Variants in TTC23 observed in about 807,000 individuals in gnomAD.
TTC23 encodes tetratricopeptide repeat protein 23.
A neutral mutation model predicts 55.1 loss-of-function variants in TTC23; 58 were observed. The observed-to-expected ratio is 1.05, with a 90% CI of 0.85 to 1.31. The LOEUF is 1.31. TTC23 is among the 50% of genes most tolerant of loss of function. The probability of loss-of-function intolerance (pLI) is 0.00; values close to 1 mark genes in which losing one functional copy is unlikely to be tolerated. For synonymous variants in TTC23, 203 were observed against 199.9 expected (o/e 1.02, Z -0.13); for missense variants, 516 against 534.4 (o/e 0.97, Z 0.34).
rs539855157 is a variant in TTC23 at position 99,221,970 on chromosome 15, T to C, written c.181-106A>G. ...TTTGATAAATACTGAGTGACTACTA[T>C]GTGCAAAACATTGTTCTAAGCACTT... On this transcript the variant is annotated intron_variant, in intron 5 of 13. Transcript: ENST00000394132. 2.6e-5 allele frequency: 34 copies of C among 1,306,204 alleles called. No homozygotes were observed. In the African/African-American group the frequency reaches 3.5e-4, roughly 14 times the overall value. The allele number at this position is 1,306,204 out of a possible 1,614,324, so 80.9% of individuals were successfully genotyped here.
At chr15:99,162,557 G>A (rs1310945670) in intron 10 of TTC23, among the ~76,000 whole-genome samples, 1 of 152,142 alleles carries the variant, frequency 6.6e-6, no homozygotes, top group East Asian at 1.9e-4. Flanking sequence ...CTAGTACTGG[G>A]GTTTTCTAAG....
intron 6 of TTC23, among the ~76,000 whole-genome samples, chr15:99,221,184 G>A (rs1305889804): frequency 6.6e-6 from 1 of 151,494 alleles, no homozygotes; most frequent in East Asian, 1.9e-4. Context: ...GGCAAAGAAT[G>A]GAGCAAATAC....
At chr15:99,221,932 G>A (rs1245451252) in intron 5 of TTC23, 68 bp from the exon 6 acceptor site, 59 of 1,564,282 alleles carry the variant, frequency 3.8e-5, no homozygotes, top group Admixed American at 1.9e-4. Flanking sequence ...AAATCAATGC[G>A]CTTTTATATC....
intron 8 of TTC23, among the ~76,000 whole-genome samples, chr15:99,208,862 G>A (rs1250138499): frequency 2.0e-5 from 3 of 152,124 alleles, no homozygotes; most frequent in Non-Finnish European, 4.4e-5. Flanking sequence ...TTTCTTATGT[G>A]TAATGTTTGA....
chr15:99,139,424 T>C, intron 12 of TTC23, 25 bp from the exon 13 acceptor site: 1 of 1,613,738 alleles, frequency 6.2e-7, no homozygotes, highest in South Asian at 1.1e-5. Flanking sequence ...GCAGCTATCA[T>C]GAGGCTATGG....
chr15:99,137,934 C>A lies in TTC23; in HGVS notation c.*76G>T. On this transcript the variant is annotated 3_prime_UTR_variant, in exon 14 of 14. Transcript: ENST00000394132. ...TATCCTGACTGTTGAATTCCATTTT[C>A]TAGGCGGAGGTGATTTGTACAGCAC... 1 of 1,578,838 alleles carries A rather than the reference C, an allele frequency of 6.3e-7. No individual in the cohort carries two copies. Among genetic ancestry groups the A allele is most frequent in the South Asian group, 1.1e-5 (1 of 88,320 alleles).
chr15:99,138,835 T>C (rs1398207623), intron 13 of TTC23, among the ~76,000 whole-genome samples: 2 of 152,218 alleles, frequency 1.3e-5, no homozygotes, highest in Admixed American at 6.5e-5. Context: ...CAGGCAGCCC[T>C]GGGGCTGCTC....
At chr15:99,145,098 G>A (rs2068677127) in intron 12 of TTC23, 1 of 152,222 alleles carries the variant, frequency 6.6e-6, no homozygotes, top group Non-Finnish European at 1.5e-5. Flanking sequence ...TCATCAGACA[G>A]GCTTCCCCTA....
At chr15:99,138,590 G>T (rs4965448) in intron 13 of TTC23, among the ~76,000 whole-genome samples, 13,435 of 152,278 alleles carry the variant, frequency 0.088, 782 homozygotes, top group East Asian at 0.29. Flanking sequence ...TGGGATTATA[G>T]GCATGAGTCA....
chr15:99,155,172 T>G (rs1266207632), intron 12 of TTC23, among the ~76,000 whole-genome samples: 1 of 152,060 alleles, frequency 6.6e-6, no homozygotes, highest in African/African-American at 2.4e-5. Context: ...TCAAAAGATA[T>G]AACAGTAGAT....
At chr15:99,152,336 T>C (rs2069894347) in intron 12 of TTC23, among the ~76,000 whole-genome samples, 1 of 151,814 alleles carries the variant, frequency 6.6e-6, no homozygotes, top group South Asian at 2.1e-4. Context: ...AAACCTCTTT[T>C]CTTTATAAAT....
At chr15:99,176,264 G>A (rs1416522278) in intron 9 of TTC23, among the ~76,000 whole-genome samples, 1 of 152,188 alleles carries the variant, frequency 6.6e-6, no homozygotes, top group Non-Finnish European at 1.5e-5. Flanking sequence ...ACTAATGTGA[G>A]TCAGTAGGTA....
chr15:99,155,958 A>T, intron 12 of TTC23, 190 bp downstream of exon 12: 2 of 635,796 alleles, frequency 3.1e-6, no homozygotes, highest in South Asian at 5.3e-5. Context: ...AAAAATATGT[A>T]TGTCTAAGAG....
At chr15:99,186,128 T>C (rs2074639088) in intron 9 of TTC23, among the ~76,000 whole-genome samples, 1 of 152,234 alleles carries the variant, frequency 6.6e-6, no homozygotes, top group Non-Finnish European at 1.5e-5. Context: ...TTGAAAAATG[T>C]TTAATAATTA....
intron 8 of TTC23, among the ~76,000 whole-genome samples, chr15:99,202,105 AG>A (rs2076248899): frequency 6.6e-6 from 1 of 152,242 alleles, no homozygotes; most frequent in Admixed American, 6.5e-5. Context: ...TGGTTGCCAC[AG>A]AAACCATATG....
rs777358830 is a variant in TTC23, at chr15:99,227,856, G to A, written c.180+677C>T. The stretch of plus-strand genomic sequence containing the variant: ...AGTGCAGTCTACGTAACTCCCATCC[G>A]AAGAAAGTGTGCCTTAACTGCTGTC... On this transcript the variant is annotated intron_variant, in intron 5 of 13. Transcript: ENST00000394132. Among the ~76,000 whole-genome samples, 21 of 152,278 alleles carry A rather than the reference G, an allele frequency of 1.4e-4. 1 individual carries two copies. Among genetic ancestry groups the A allele is most frequent in the Non-Finnish European group, 2.1e-4 (14 of 68,032 alleles).
chr15:99,245,913 TCCTGACTCAGCCTC>T (rs1314345813), intron 1 of TTC23, among the ~76,000 whole-genome samples: 3 of 151,202 alleles, frequency 2.0e-5, no homozygotes, highest in Non-Finnish European at 2.9e-5. Context: ...CAAGACATTC[TCCTGACTCAGCCTC>T]CCTGACTCAG....
intron 8 of TTC23, among the ~76,000 whole-genome samples, chr15:99,208,550 C>A (rs1270800007): frequency 1.3e-5 from 2 of 152,062 alleles, no homozygotes; most frequent in African/African-American, 4.8e-5. Context: ...GAATGAAGCA[C>A]ATCCTACCCC....
Position 99,137,834 on chromosome 15 carries a change from G to T in TTC23, c.*176C>A. 2.0e-6 allele frequency: 2 copies of T among 1,003,648 alleles called. No individual in the cohort carries two copies. Among genetic ancestry groups the T allele is most frequent in the Non-Finnish European group, 2.9e-6 (2 of 699,426 alleles). 62.2% of individuals were successfully genotyped at this position (1,003,648 alleles called of 1,614,324 possible). A position where few individuals can be genotyped will look rare whatever the true frequency, so the allele number is the denominator to read the frequency against. ...TATATCACCCTGAAGGGCATCCACTGTCAAAATGTGGCCCACGGGAGGCTT... is the reference window on the plus strand; with the variant it reads ...TATATCACCCTGAAGGGCATCCACTTTCAAAATGTGGCCCACGGGAGGCTT... On this transcript the variant is annotated 3_prime_UTR_variant, in exon 14 of 14. Transcript: ENST00000394132.
Sources: gnomAD v4.1 joint callset for allele counts (sites outside exome capture counted in the v4.1 genomes callset) on GRCh38, gnomAD v4.1.1 for gene constraint, MANE v1.5 for transcripts, NCBI Gene and HGNC (gene_info 2026-07-23, HGNC 2026-07-21) for gene names.